The following CACNA1E variants were observed in gnomAD, a reference collection of about 807,000 sequenced individuals.
CACNA1E encodes voltage-dependent R-type calcium channel subunit alpha-1E.
In CACNA1E, 40 loss-of-function variants were observed where a neutral mutation model predicts 259.2. That is an observed-to-expected ratio of 0.15 (90% CI 0.12 to 0.20). The LOEUF is 0.20. CACNA1E is among the 10% of genes least tolerant of loss of function. The pLI is 1.00. For missense variants in CACNA1E, 1,874 were observed against 3,040.1 expected (o/e 0.62, Z 9.02); for synonymous variants, 1,104 against 1,138.5 (o/e 0.97, Z 0.61).
intron 1 of CACNA1E, among the ~76,000 whole-genome samples, chr1:181,326,130 G>A (rs554695739): frequency 4.6e-5 from 7 of 152,240 alleles, no homozygotes; most frequent in South Asian, 4.1e-4. Context: ...ATGCTAAGTC[G>A]TTTAACAACT....
Position 181,766,538 on chromosome 1 carries a change from C to T in CACNA1E, c.4816-8C>T. On this transcript the variant is annotated splice_region_variant and splice_polypyrimidine_tract_variant and intron_variant, in intron 34 of 47. Transcript: ENST00000367573. The stretch of plus-strand genomic sequence containing the variant: ...TTGATTAACGTCTTATCTCTGCTTT[C>T]CTTCCAGGCCCTCCCTTATGTCTGC... 6.2e-7 allele frequency: 1 copy of T among 1,609,150 alleles called. No homozygotes were observed. The highest frequency in any genetic ancestry group is 8.5e-7 in the Non-Finnish European group (1 of 1,175,604).
chr1:181,680,756 C>A (rs755710752), intron 7 of CACNA1E, among the ~76,000 whole-genome samples: 1 of 152,168 alleles, frequency 6.6e-6, no homozygotes, highest in South Asian at 2.1e-4. Flanking sequence ...CTCCTTGGGG[C>A]GCTTGAAAAC....
intron 1 of CACNA1E, among the ~76,000 whole-genome samples, chr1:181,320,888 G>C (rs983643295): frequency 3.3e-5 from 5 of 152,174 alleles, no homozygotes; most frequent in African/African-American, 4.8e-5. Context: ...AATACCTGAG[G>C]CTGGATAATT....
Position 181,501,047 on chromosome 1 carries a change from G to A in CACNA1E, c.267-9430G>A, listed in dbSNP as rs16857437. Among the ~76,000 whole-genome samples the A allele has an allele frequency of 9.0e-3, 1,367 of 152,214 alleles. 18 individuals are homozygous for A. Among genetic ancestry groups the A allele is most frequent in the African/African-American group, 0.031 (1,273 of 41,524 alleles). Reference sequence around the variant, plus strand: ...GAGTGTCATCAAAACACAAATTCTCGTTTCTGAAACAGGTAATTTTCCCAC... The same window carrying A: ...GAGTGTCATCAAAACACAAATTCTCATTTCTGAAACAGGTAATTTTCCCAC... On this transcript the variant is annotated intron_variant, in intron 1 of 47. Coordinates refer to ENST00000367573, the MANE Select transcript of CACNA1E (RefSeq NM_001205293.3).
intron 2 of CACNA1E, among the ~76,000 whole-genome samples, chr1:181,454,278 G>A (rs74830786): frequency 0.093 from 14,204 of 152,152 alleles, 819 homozygotes; most frequent in South Asian, 0.19. Flanking sequence ...TCCCCACCCC[G>A]CTCCCCAGAG....
chr1:181,710,873 C>T (rs900156873), intron 7 of CACNA1E, 81 bp from the exon 8 acceptor site: 1 of 1,001,870 alleles, frequency 1.0e-6, no homozygotes, highest in Non-Finnish European at 1.6e-6. Flanking sequence ...CTCAGATGCT[C>T]TCTCTCTGTT....
chr1:181,639,946 A>G (rs895122392), intron 6 of CACNA1E, among the ~76,000 whole-genome samples: 3 of 152,142 alleles, frequency 2.0e-5, no homozygotes, highest in African/African-American at 7.2e-5. Context: ...GAGAGAGGAG[A>G]AGCAAAATGA....
At chr1:181,336,842 C>A (rs1181781892) in intron 1 of CACNA1E, among the ~76,000 whole-genome samples, 1 of 151,966 alleles carries the variant, frequency 6.6e-6, no homozygotes, top group Non-Finnish European at 1.5e-5. Context: ...TTGTGATCAG[C>A]TTATTTCATC....
chr1:181,711,232 TCCTC>T (rs1431570384), intron 8 of CACNA1E, among the ~76,000 whole-genome samples, 163 bp downstream of exon 8: 2 of 152,172 alleles, frequency 1.3e-5, no homozygotes, highest in Non-Finnish European at 2.9e-5. Context: ...CCGACTTTCT[TCCTC>T]TGGGGTCTAA....
intron 1 of CACNA1E, among the ~76,000 whole-genome samples, chr1:181,324,399 G>A (rs569608341): frequency 2.3e-4 from 35 of 152,312 alleles, no homozygotes; most frequent in African/African-American, 8.2e-4. Context: ...TGATAAAAAT[G>A]AAATAGGATC....
At chr1:181,503,232 G>A (rs576888233) in intron 1 of CACNA1E, among the ~76,000 whole-genome samples, 1 of 152,328 alleles carries the variant, frequency 6.6e-6, no homozygotes, top group East Asian at 1.9e-4. Context: ...TTTCTCAGTC[G>A]GCTCAGACGA....
chr1:181,349,312 C>A (rs1221361189), intron 1 of CACNA1E, among the ~76,000 whole-genome samples: 3 of 152,234 alleles, frequency 2.0e-5, no homozygotes, highest in African/African-American at 7.2e-5. Context: ...TGCCAAGGAG[C>A]AGGCAGCGAT....
chr1:181,661,106 G>A (rs1227663370), intron 7 of CACNA1E, among the ~76,000 whole-genome samples: 1 of 152,214 alleles, frequency 6.6e-6, no homozygotes, highest in Admixed American at 6.5e-5. Context: ...GAGCACAAGG[G>A]AGAAGCACAT....
chr1:181,717,029 A>T, intron 10 of CACNA1E, 64 bp from the exon 11 acceptor site: 1 of 1,426,908 alleles, frequency 7.0e-7, no homozygotes, highest in Non-Finnish European at 9.9e-7. Flanking sequence ...TGCCCTTCGA[A>T]TGCTCCCTGG....
chr1:181,601,195 T>G (rs778456214), intron 6 of CACNA1E, among the ~76,000 whole-genome samples: 1 of 152,174 alleles, frequency 6.6e-6, no homozygotes, highest in South Asian at 2.1e-4. Flanking sequence ...CTGAGTCTGT[T>G]CTGTTTTGGT....
intron 12 of CACNA1E, among the ~76,000 whole-genome samples, chr1:181,719,166 C>G (rs763989944): frequency 6.6e-6 from 1 of 152,102 alleles, no homozygotes; most frequent in Non-Finnish European, 1.5e-5. Flanking sequence ...TTTCTCCTAG[C>G]ACAATATCTA....
At chr1:181,794,828 C>T (rs758155486) in intron 45 of CACNA1E, 36 bp from the exon 46 acceptor site, 20 of 1,575,482 alleles carry the variant, frequency 1.3e-5, no homozygotes, top group Admixed American at 1.8e-5. Context: ...ATCGTTAATC[C>T]ATACCTTGTG....
intron 6 of CACNA1E, among the ~76,000 whole-genome samples, chr1:181,646,245 C>CA: frequency 6.6e-6 from 1 of 152,208 alleles, no homozygotes; most frequent in Non-Finnish European, 1.5e-5. Context: ...TCCCCCAGAA[C>CA]ATTTGGCAAT....
intron 2 of CACNA1E, among the ~76,000 whole-genome samples, chr1:181,444,449 A>C (rs1210475279): frequency 6.6e-6 from 1 of 152,206 alleles, no homozygotes; most frequent in Non-Finnish European, 1.5e-5. Flanking sequence ...GGGAATTGAC[A>C]GGGGACATTA....
Sources: allele counts gnomAD v4.1 joint callset (sites outside exome capture counted in the v4.1 genomes callset), GRCh38; gene constraint gnomAD v4.1.1; transcripts MANE v1.5; gene names NCBI Gene and HGNC (gene_info 2026-07-23, HGNC 2026-07-21).